The following SCFD2 variants were observed in gnomAD, a reference collection of about 807,000 sequenced individuals.
SCFD2 encodes sec1 family domain-containing protein 2.
SCFD2 carries 54 observed loss-of-function variants against 58.9 expected under a neutral mutation model. That is an observed-to-expected ratio of 0.92 (90% CI 0.74 to 1.15). The LOEUF is 1.15. SCFD2 is among the 50% of genes most tolerant of loss of function. SCFD2 has a pLI of 0.00. For missense variants in SCFD2, 805 were observed against 836.6 expected, an observed-to-expected ratio of 0.96 and a Z score of 0.47; for synonymous variants, 321 against 335.9, an observed-to-expected ratio of 0.96 and a Z score of 0.49.
chr4:53,113,499 C>A (rs1577738673), intron 5 of SCFD2, among the ~76,000 whole-genome samples: 1 of 152,098 alleles, frequency 6.6e-6, no homozygotes, highest in Non-Finnish European at 1.5e-5. Flanking sequence ...TTTTAAGCCA[C>A]TGAAATGTTA....
chr4:52,907,491 T>C lies in SCFD2; in HGVS notation c.1808A>G (p.Asp603Gly). 1 of 1,614,072 alleles carries C rather than the reference T, an allele frequency of 6.2e-7. No individual in the cohort carries two copies. Among genetic ancestry groups the C allele is most frequent in the Non-Finnish European group, 8.5e-7 (1 of 1,179,964 alleles). Reference protein sequence around the residue: ...DIEHMSSGLTDLLKTGFSMFM... With the variant: ...DIEHMSSGLTGLLKTGFSMFM... ...CATGCTAAATCCAGTTTTAAGGAGATCAGTGAGGCCTGAAGACATGTGTTC... is the reference window on the plus strand; with the variant it reads ...CATGCTAAATCCAGTTTTAAGGAGACCAGTGAGGCCTGAAGACATGTGTTC... The change falls in exon 7 of 9, where the codon GAT (aspartate) becomes GGT (glycine). Residue 603 changes from aspartate to glycine, a missense_variant. Asp to Gly is a moderately conservative substitution (Grantham distance 94, BLOSUM62 -1). This residue lies in a region of SCFD2 where 633 missense variants were observed against 646.8 expected (regional missense o/e 0.98). Coordinates refer to ENST00000401642, the MANE Select transcript of SCFD2 (RefSeq NM_152540.4).
At chr4:53,301,673 A>G (rs991777482) in intron 3 of SCFD2, among the ~76,000 whole-genome samples, 2 of 152,102 alleles carry the variant, frequency 1.3e-5, no homozygotes, top group East Asian at 3.9e-4. Flanking sequence ...GACCAATATC[A>G]TTGATGAACA....
intron 4 of SCFD2, among the ~76,000 whole-genome samples, chr4:53,271,463 A>ATTTATTTATTTATTTT (rs1731165615): frequency 6.7e-6 from 1 of 150,020 alleles, no homozygotes; most frequent in Non-Finnish European, 1.5e-5. Context: ...TTATTTATTT[A>ATTTATTTATTTATTTT]TTTATTTATT....
At chr4:52,955,512 A>G (rs1466301776) in intron 5 of SCFD2, among the ~76,000 whole-genome samples, 2 of 152,226 alleles carry the variant, frequency 1.3e-5, no homozygotes, top group African/African-American at 4.8e-5. Context: ...TGCTGTGCCT[A>G]GCGTCAGTTT....
intron 4 of SCFD2, among the ~76,000 whole-genome samples, chr4:53,218,192 C>A (rs1428379332): frequency 1.2e-4 from 18 of 152,144 alleles, no homozygotes; most frequent in Non-Finnish European, 2.9e-5. Flanking sequence ...GTTGGCCTGC[C>A]TTGCTAGATT....
chr4:53,288,040 C>T (rs1307383776), intron 3 of SCFD2, among the ~76,000 whole-genome samples: 3 of 151,930 alleles, frequency 2.0e-5, no homozygotes, highest in Non-Finnish European at 2.9e-5. Context: ...AGGAGTTCCA[C>T]GCCAGCCTGG....
chr4:52,935,644 T>C (rs1720117452), intron 5 of SCFD2, among the ~76,000 whole-genome samples: 1 of 152,210 alleles, frequency 6.6e-6, no homozygotes, highest in African/African-American at 2.4e-5. Context: ...CGCTGTCTGA[T>C]ACACAGACGT....
intron 2 of SCFD2, among the ~76,000 whole-genome samples, chr4:53,337,612 C>G (rs905259745): frequency 2.0e-5 from 3 of 152,076 alleles, no homozygotes; most frequent in Admixed American, 1.3e-4. Flanking sequence ...AATATAGCAC[C>G]CCCAAAACAC....
intron 5 of SCFD2, among the ~76,000 whole-genome samples, chr4:53,089,141 C>G (rs2148864899): frequency 6.6e-6 from 1 of 152,286 alleles, no homozygotes; most frequent in South Asian, 2.1e-4. Context: ...AAATCTGTTA[C>G]TACAAGCTAC....
Position 52,874,023 on chromosome 4 carries a change from G to A in SCFD2, c.2001C>T (p.Asn667=), listed in dbSNP as rs748222590. 11 of 1,613,974 alleles carry A rather than the reference G, an allele frequency of 6.8e-6. No homozygotes were observed. The African/African-American group carries it at 8.0e-5, about 12-fold the overall frequency. The change falls in exon 9 of 9, where the codon AAC becomes AAT. Residue 667 remains asparagine, a synonymous_variant. Transcript: ENST00000401642. ...CAGTTGCAAATAACAGCTCAGGAAT[G>A]TTAAGTGGCTTCAGGAGTCGTGTGG... The part of the protein sequence containing the change: ...VLSTRLLKPL[N]IPELLFATDR...
intron 5 of SCFD2, among the ~76,000 whole-genome samples, chr4:53,060,123 A>G (rs1723462623): frequency 6.6e-6 from 1 of 152,166 alleles, no homozygotes; most frequent in South Asian, 2.1e-4. Flanking sequence ...GGCCAAGACA[A>G]TATGTCTTGC....
At chr4:53,204,726 C>T (rs1420740263) in intron 4 of SCFD2, among the ~76,000 whole-genome samples, 1 of 145,796 alleles carries the variant, frequency 6.9e-6, no homozygotes, top group East Asian at 2.0e-4. Flanking sequence ...TAGATGAAAA[C>T]AGACCCACAG....
At chr4:53,223,394 G>C (rs1435701736) in intron 4 of SCFD2, among the ~76,000 whole-genome samples, 2 of 152,192 alleles carry the variant, frequency 1.3e-5, no homozygotes, top group Non-Finnish European at 2.9e-5. Flanking sequence ...ACTAGGACCT[G>C]TATATTCTGT....
intron 4 of SCFD2, among the ~76,000 whole-genome samples, chr4:53,262,083 T>C (rs1560418467): frequency 6.6e-6 from 1 of 152,214 alleles, no homozygotes. Context: ...CTGCTCACTT[T>C]TGGTGTCCAT....
chr4:53,364,153 T>A (rs1734630759), intron 1 of SCFD2, among the ~76,000 whole-genome samples: 1 of 152,218 alleles, frequency 6.6e-6, no homozygotes, highest in Admixed American at 6.5e-5. Context: ...TCCAGTCACA[T>A]AATTAAGTTT....
intron 2 of SCFD2, among the ~76,000 whole-genome samples, chr4:53,332,331 T>C (rs1375960518): frequency 6.6e-6 from 1 of 151,610 alleles, no homozygotes; most frequent in African/African-American, 2.4e-5. Context: ...TGATGAACAT[T>C]GATGCAAAAA....
At chr4:53,053,751 G>C (rs552508716) in intron 5 of SCFD2, among the ~76,000 whole-genome samples, 1 of 152,210 alleles carries the variant, frequency 6.6e-6, no homozygotes, top group East Asian at 1.9e-4. Context: ...CTTCTCTGGG[G>C]CTGAGTCAGG....
chr4:52,959,374 A>T (rs900433682), intron 5 of SCFD2, among the ~76,000 whole-genome samples: 1 of 152,120 alleles, frequency 6.6e-6, no homozygotes, highest in African/African-American at 2.4e-5. Flanking sequence ...TCCATTGCAA[A>T]TGTACAAAAT....
At chr4:53,126,094 C>A (rs1278543113) in intron 5 of SCFD2, among the ~76,000 whole-genome samples, 2 of 152,232 alleles carry the variant, frequency 1.3e-5, no homozygotes, top group Admixed American at 6.5e-5. Context: ...TATGAAGTTT[C>A]GCTAAAACTA....
Sources: gnomAD v4.1 joint callset for allele counts (sites outside exome capture counted in the v4.1 genomes callset) on GRCh38, gnomAD v4.1.1 for gene constraint, gnomAD v4.1.1 regional missense constraint, MANE v1.5 for transcripts, NCBI Gene and HGNC (gene_info 2026-07-23, HGNC 2026-07-21) for gene names.